Variants in IL34 observed in about 807,000 individuals in gnomAD.
IL34 encodes the protein interleukin 34.
IL34 carries 17 observed loss-of-function variants against 25.3 expected under a neutral mutation model. The ratio of observed to expected loss-of-function variants is 0.67; its 90% CI spans 0.46 to 1.01. The LOEUF (loss-of-function observed/expected upper bound fraction) is 1.01. Among genes scored for constraint, IL34 ranks in the 50% least tolerant of loss-of-function variants. The probability of loss-of-function intolerance (pLI) is 0.00; values close to 1 mark genes in which losing one functional copy is unlikely to be tolerated. For synonymous variants in IL34, 174 were observed against 140.9 expected (o/e 1.23, Z -1.66); for missense variants, 368 against 312.9 (o/e 1.18, Z -1.33).
intron 1 of IL34, among the ~76,000 whole-genome samples, chr16:70,603,126 A>G (rs1437354767): frequency 6.6e-6 from 1 of 152,024 alleles, no homozygotes; most frequent in Non-Finnish European, 1.5e-5. Flanking sequence ...TCCACTGGAG[A>G]AAAAAAAGAC....
intron 1 of IL34, among the ~76,000 whole-genome samples, chr16:70,584,316 C>G (rs2050666874): frequency 6.6e-6 from 1 of 152,206 alleles, no homozygotes; most frequent in South Asian, 2.1e-4. Flanking sequence ...CAGGGGCTGC[C>G]TGGACAGCTC....
chr16:70,620,651 G>A (rs2051261749), intron 1 of IL34, among the ~76,000 whole-genome samples: 1 of 152,084 alleles, frequency 6.6e-6, no homozygotes, highest in Non-Finnish European at 1.5e-5. Context: ...GACTAGGAAG[G>A]GACTGATGTG....
chr16:70,641,256 G>C (rs2051775378), intron 1 of IL34, among the ~76,000 whole-genome samples: 1 of 144,102 alleles, frequency 6.9e-6, no homozygotes, highest in African/African-American at 2.8e-5. Flanking sequence ...TTGGGCAACA[G>C]AGCGAGACTT....
chr16:70,653,285 G>C (rs1411111274), intron 1 of IL34, among the ~76,000 whole-genome samples: 1 of 148,570 alleles, frequency 6.7e-6, no homozygotes, highest in Non-Finnish European at 1.5e-5. Context: ...GGCCACGATG[G>C]AAGGACCGCT....
chr16:70,642,038 C>G (rs182450695), upstream of IL34, among the ~76,000 whole-genome samples: 2 of 152,238 alleles, frequency 1.3e-5, no homozygotes, highest in African/African-American at 4.8e-5. Flanking sequence ...CTTAGTTTAC[C>G]TGGCCTTCCA....
At chr16:70,599,534 T>A (rs2050884403) in intron 1 of IL34, among the ~76,000 whole-genome samples, 1 of 147,994 alleles carries the variant, frequency 6.8e-6, no homozygotes, top group African/African-American at 2.6e-5. Flanking sequence ...TTTTTGTATT[T>A]TTTTTTTTTT....
intron 1 of IL34, among the ~76,000 whole-genome samples, chr16:70,605,384 G>T (rs28582709): frequency 0.17 from 26,145 of 152,020 alleles, 3,341 homozygotes; most frequent in African/African-American, 0.35. Context: ...AAACTTACTA[G>T]CTTAGCCATT....
At chr16:70,591,358 C>T (rs1483223476) in intron 1 of IL34, among the ~76,000 whole-genome samples, 7 of 152,052 alleles carry the variant, frequency 4.6e-5, no homozygotes, top group East Asian at 1.9e-4. Context: ...ATGACCACCA[C>T]GCTTATAGCT....
At chr16:70,656,413 G>T (rs1219189294) in intron 2 of IL34, among the ~76,000 whole-genome samples, 189 bp from the exon 3 acceptor site, 1 of 152,164 alleles carries the variant, frequency 6.6e-6, no homozygotes, top group African/African-American at 2.4e-5. Context: ...CACCTACTTG[G>T]GAGGCTGAGG....
At chr16:70,651,437 G>A (rs1372236525) in intron 1 of IL34, among the ~76,000 whole-genome samples, 4 of 152,220 alleles carry the variant, frequency 2.6e-5, no homozygotes, top group Non-Finnish European at 4.4e-5. Context: ...GAGAGGAAGT[G>A]CAAGATAGAT....
At chr16:70,606,380 A>C (rs2051004826) in intron 1 of IL34, among the ~76,000 whole-genome samples, 1 of 152,170 alleles carries the variant, frequency 6.6e-6, no homozygotes, top group African/African-American at 2.4e-5. Flanking sequence ...CCTGGGCAAC[A>C]GAGCAAGACT....
chr16:70,656,395 TG>T (rs1313055550), intron 2 of IL34, among the ~76,000 whole-genome samples: 2 of 152,184 alleles, frequency 1.3e-5, no homozygotes, highest in African/African-American at 4.8e-5. Context: ...GGCACACACC[TG>T]TAGTCCCACC....
At chr16:70,599,277 C>CTT (rs1168999559) in intron 1 of IL34, among the ~76,000 whole-genome samples, 2 of 117,054 alleles carry the variant, frequency 1.7e-5, no homozygotes, top group African/African-American at 3.5e-5. Context: ...TTCTTTCTTT[C>CTT]TTTCTTTCTT....
chr16:70,627,514 C>T (rs2051422951), intron 1 of IL34, among the ~76,000 whole-genome samples: 1 of 144,030 alleles, frequency 6.9e-6, no homozygotes, highest in Admixed American at 7.3e-5. Flanking sequence ...CAGGCTTTCT[C>T]TCTGTTACCC....
chr16:70,590,510 C>G (rs2050740507), intron 1 of IL34, among the ~76,000 whole-genome samples: 1 of 152,152 alleles, frequency 6.6e-6, no homozygotes, highest in East Asian at 1.9e-4. Context: ...ATAACAAACC[C>G]TTGTAAAGGT....
At chr16:70,657,513 G>T (rs574046093) in intron 4 of IL34, among the ~76,000 whole-genome samples, 63 of 152,282 alleles carry the variant, frequency 4.1e-4, no homozygotes, top group Non-Finnish European at 6.9e-4. Flanking sequence ...CATGCTGCAG[G>T]CCGGGCGCGG....
In IL34 at chr16:70,588,587, A is replaced by G. The variant is rs543341833; in HGVS notation, c.-401+8538A>G. On this transcript the variant is annotated intron_variant, in intron 1 of 6. Coordinates refer to the IL34 transcript ENST00000429149. The stretch of plus-strand genomic sequence containing the variant: ...AAAAAGAACTAAAAGCAGAGTCTCA[A>G]AGAGATATTTGCCCACCCATGTTCA... 3.9e-5 allele frequency among the ~76,000 whole-genome samples: 6 copies of G among 152,340 alleles called. No homozygotes were observed. In the East Asian group the frequency reaches 1.2e-3, roughly 29 times the overall value.
intron 4 of IL34, among the ~76,000 whole-genome samples, chr16:70,658,217 G>A (rs1439551928): frequency 6.6e-6 from 1 of 152,248 alleles, no homozygotes; most frequent in Non-Finnish European, 1.5e-5. Context: ...ACTAGCACCT[G>A]TTTTGCAGCT....
chr16:70,588,983 C>G (rs1443151225), intron 1 of IL34, among the ~76,000 whole-genome samples: 1 of 151,940 alleles, frequency 6.6e-6, no homozygotes, highest in African/African-American at 2.4e-5. Context: ...GATGGTAACA[C>G]AATAATATAA....
Sources: allele counts gnomAD v4.1 joint callset (sites outside exome capture counted in the v4.1 genomes callset), GRCh38; gene constraint gnomAD v4.1.1; transcripts MANE v1.5; gene names NCBI Gene and HGNC (gene_info 2026-07-23, HGNC 2026-07-21).